Variants in ADGRL3 observed in about 807,000 individuals in gnomAD.
The protein encoded by ADGRL3 is adhesion G protein-coupled receptor L3.
Under a neutral mutation model 153.5 loss-of-function variants are expected in ADGRL3, and 62 were observed. That is an observed-to-expected ratio of 0.40 (90% CI 0.33 to 0.50). The LOEUF (loss-of-function observed/expected upper bound fraction) is 0.50, where lower values mean the gene tolerates loss of function less well. Among genes scored for constraint, ADGRL3 ranks in the 20% least tolerant of loss-of-function variants. ADGRL3 has a pLI of 0.47. For synonymous variants in ADGRL3, 710 were observed against 672.5 expected, an observed-to-expected ratio of 1.06 and a Z score of -0.86; for missense variants, 1,641 against 1,859.4, an observed-to-expected ratio of 0.88 and a Z score of 2.16.
intron 1 of ADGRL3, among the ~76,000 whole-genome samples, chr4:61,280,841 A>G (rs2093694016): frequency 6.6e-6 from 1 of 152,194 alleles, no homozygotes; most frequent in African/African-American, 2.4e-5. Context: ...AATGCTTTGC[A>G]ACATTTAAAA....
intron 21 of ADGRL3, among the ~76,000 whole-genome samples, chr4:62,023,210 G>T (rs2099246119): frequency 6.6e-6 from 1 of 152,148 alleles, no homozygotes; most frequent in Non-Finnish European, 1.5e-5. Context: ...AACTGCAGAT[G>T]TGGTGGAAAT....
intron 13 of ADGRL3, among the ~76,000 whole-genome samples, chr4:61,914,403 A>G (rs1462513187): frequency 1.3e-5 from 2 of 152,154 alleles, no homozygotes; most frequent in Admixed American, 1.3e-4. Flanking sequence ...TATAAGTTTT[A>G]TGTGAGATAG....
At chr4:61,351,323 T>G (rs1413158860) in intron 1 of ADGRL3, among the ~76,000 whole-genome samples, 1 of 152,156 alleles carries the variant, frequency 6.6e-6, no homozygotes, top group Non-Finnish European at 1.5e-5. Flanking sequence ...AAAGAAGCCA[T>G]CTCCATAACA....
chr4:61,497,408 A>G, intron 3 of ADGRL3, 60 bp downstream of exon 3: 4 of 1,064,688 alleles, frequency 3.8e-6, no homozygotes, highest in South Asian at 2.9e-5. Flanking sequence ...CATACTGGAC[A>G]CTTCCTTGGG....
At chr4:61,765,333 G>A (rs910025443) in intron 8 of ADGRL3, among the ~76,000 whole-genome samples, 9 of 152,118 alleles carry the variant, frequency 5.9e-5, no homozygotes, top group African/African-American at 9.7e-5. Context: ...AAAAAGGAGC[G>A]TCTATACAGG....
intron 4 of ADGRL3, among the ~76,000 whole-genome samples, chr4:61,523,053 T>TTG (rs1272866260): frequency 2.8e-5 from 2 of 72,176 alleles, no homozygotes; most frequent in Non-Finnish European, 5.0e-5. Flanking sequence ...GGTCTGAAAA[T>TTG]TGTGCGTGTG....
At chr4:61,701,177 G>A (rs1291392385) in intron 6 of ADGRL3, among the ~76,000 whole-genome samples, 1 of 152,120 alleles carries the variant, frequency 6.6e-6, no homozygotes, top group Non-Finnish European at 1.5e-5. Flanking sequence ...GACAAATGAA[G>A]ACATATATAG....
intron 4 of ADGRL3, among the ~76,000 whole-genome samples, chr4:61,535,365 A>T (rs147989159): frequency 6.6e-6 from 1 of 152,044 alleles, no homozygotes; most frequent in Non-Finnish European, 1.5e-5. Context: ...GGATTTTTGC[A>T]TCTGTGTTCA....
intron 2 of ADGRL3, among the ~76,000 whole-genome samples, chr4:61,416,328 G>GA (rs1221963263): frequency 1.3e-5 from 2 of 151,486 alleles, no homozygotes; most frequent in East Asian, 1.9e-4. Context: ...ATGCCTATTA[G>GA]AAAAAAAATT....
intron 8 of ADGRL3, among the ~76,000 whole-genome samples, chr4:61,745,812 A>T (rs1323102848): frequency 6.6e-6 from 1 of 152,144 alleles, no homozygotes; most frequent in East Asian, 1.9e-4. Flanking sequence ...TCACGAGCAA[A>T]ATAACCAGCT....
chr4:62,007,428 A>ATG (rs2099164840), intron 21 of ADGRL3, among the ~76,000 whole-genome samples: 2 of 123,328 alleles, frequency 1.6e-5, no homozygotes. Context: ...ATATACACAT[A>ATG]TATATATATA....
chr4:61,732,715 T>G, intron 7 of ADGRL3, 39 bp from the exon 8 acceptor site: 1 of 1,139,990 alleles, frequency 8.8e-7, no homozygotes, highest in Non-Finnish European at 1.2e-6. Flanking sequence ...AATATGAAAT[T>G]AATATATTTA....
intron 1 of ADGRL3, among the ~76,000 whole-genome samples, chr4:61,281,407 A>G (rs1292466919): frequency 6.6e-6 from 1 of 152,168 alleles, no homozygotes; most frequent in Non-Finnish European, 1.5e-5. Flanking sequence ...TCTCGCACAT[A>G]AAACTGTAGG....
At chr4:61,611,961 C>T (rs543408347) in intron 5 of ADGRL3, among the ~76,000 whole-genome samples, 140 of 152,082 alleles carry the variant, frequency 9.2e-4, no homozygotes, top group African/African-American at 3.2e-3. Flanking sequence ...TTTTAAGTAA[C>T]TCATTTGCCT....
Position 62,072,551 on chromosome 4 carries a change from A to G in ADGRL3, c.*1643A>G, listed in dbSNP as rs1194299733. ...ACTTTGCTAATCCTCTGTGGCCCAA[A>G]TGAGCCATGCAAAAGAAATCAATCT... On this transcript the variant is annotated 3_prime_UTR_variant, in exon 27 of 27. Transcript: ENST00000683033. 6.6e-6 allele frequency: 1 copy of G among 152,428 alleles called. No homozygotes were observed. Among genetic ancestry groups the G allele is most frequent in the Non-Finnish European group, 1.5e-5 (1 of 68,026 alleles). The allele number at this position is 152,428 out of a possible 1,614,324, so 9.4% of individuals were successfully genotyped here. A position where few individuals can be genotyped will look rare whatever the true frequency, so the allele number is the denominator to read the frequency against.
intron 1 of ADGRL3, among the ~76,000 whole-genome samples, chr4:61,305,211 A>G (rs1055614256): frequency 6.6e-6 from 1 of 152,150 alleles, no homozygotes; most frequent in African/African-American, 2.4e-5. Flanking sequence ...TATAATAAAT[A>G]AGATACACTA....
At chr4:61,372,232 T>A (rs2096541653) in intron 1 of ADGRL3, among the ~76,000 whole-genome samples, 2 of 152,306 alleles carry the variant, frequency 1.3e-5, no homozygotes, top group African/African-American at 2.4e-5. Flanking sequence ...TCTCAGCTCG[T>A]CAAAGTCATT....
intron 4 of ADGRL3, among the ~76,000 whole-genome samples, chr4:61,539,185 T>C (rs1331929947): frequency 6.6e-6 from 1 of 152,166 alleles, no homozygotes; most frequent in Non-Finnish European, 1.5e-5. Flanking sequence ...ACACCCTTCA[T>C]GCAAACCTGT....
At chr4:61,316,993 A>C (rs927246166) in intron 1 of ADGRL3, among the ~76,000 whole-genome samples, 1 of 152,196 alleles carries the variant, frequency 6.6e-6, no homozygotes, top group Admixed American at 6.5e-5. Context: ...ATTTCTTTTA[A>C]GCCTTTTCCT....
Sources: gnomAD v4.1 joint callset for allele counts (sites outside exome capture counted in the v4.1 genomes callset) on GRCh38, gnomAD v4.1.1 for gene constraint, MANE v1.5 for transcripts, NCBI Gene and HGNC (gene_info 2026-07-23, HGNC 2026-07-21) for gene names.